FAT4: variants seen among roughly 807,000 people sequenced by gnomAD.
FAT4 encodes FAT atypical cadherin 4, also known as protocadherin Fat 4.
A neutral mutation model predicts 303.9 loss-of-function variants in FAT4; 84 were observed. The observed-to-expected ratio is 0.28, with a 90% CI of 0.23 to 0.33. FAT4 has a LOEUF of 0.33. FAT4 is among the 10% of genes least tolerant of loss of function. FAT4 has a pLI of 1.00. For synonymous variants in FAT4, 2,307 were observed against 2,298.8 expected (o/e 1.00, Z -0.10); for missense variants, 6,005 against 6,146.8 (o/e 0.98, Z 0.77).
At chr4:125,381,512 A>T (rs1187204595) in intron 2 of FAT4, among the ~76,000 whole-genome samples, 1 of 152,234 alleles carries the variant, frequency 6.6e-6, no homozygotes, top group Non-Finnish European at 1.5e-5. Flanking sequence ...ACATTTTTAA[A>T]AAACAATGTA....
intron 2 of FAT4, among the ~76,000 whole-genome samples, chr4:125,383,759 G>A (rs143285563): frequency 1.5e-3 from 233 of 152,230 alleles, no homozygotes; most frequent in Non-Finnish European, 2.8e-3. Flanking sequence ...TAGACTCTGA[G>A]ATTTACAAGG....
At chr4:125,445,581 A>G (rs1030376471) in intron 8 of FAT4, among the ~76,000 whole-genome samples, 1 of 152,110 alleles carries the variant, frequency 6.6e-6, no homozygotes, top group Non-Finnish European at 1.5e-5. Flanking sequence ...ACCTCACCTT[A>G]TACACAAAAT....
At chr4:125,473,112 A>C (rs879262105) in intron 12 of FAT4, among the ~76,000 whole-genome samples, 1 of 152,106 alleles carries the variant, frequency 6.6e-6, no homozygotes, top group Non-Finnish European at 1.5e-5. Flanking sequence ...TTTATATTTT[A>C]ATTCTAATAT....
intron 7 of FAT4, among the ~76,000 whole-genome samples, chr4:125,417,387 C>G (rs1735116297): frequency 6.6e-6 from 1 of 152,136 alleles, no homozygotes; most frequent in East Asian, 1.9e-4. Context: ...GCAGGCTGCT[C>G]AAGAACAAAG....
intron 2 of FAT4, among the ~76,000 whole-genome samples, chr4:125,339,187 G>T (rs184687704): frequency 3.6e-4 from 55 of 151,434 alleles, no homozygotes; most frequent in African/African-American, 1.2e-3. Context: ...TTTTTGAGAC[G>T]GAGTCTTGCC....
intron 3 of FAT4, among the ~76,000 whole-genome samples, chr4:125,400,706 T>C (rs1430107757): frequency 7.1e-5 from 1 of 14,170 alleles, no homozygotes; most frequent in Non-Finnish European, 1.6e-4. Context: ...TGAGCTTTGT[T>C]TTTTAAGTTT....
chr4:125,381,299 A>G (rs534589141), intron 2 of FAT4, among the ~76,000 whole-genome samples: 5 of 152,194 alleles, frequency 3.3e-5, no homozygotes, highest in African/African-American at 7.2e-5. Context: ...CTGTGGTTAT[A>G]TTGCTATGAT....
intron 12 of FAT4, among the ~76,000 whole-genome samples, chr4:125,475,825 T>C (rs1324402166): frequency 6.6e-6 from 1 of 152,126 alleles, no homozygotes; most frequent in Non-Finnish European, 1.5e-5. Flanking sequence ...TTTCTTAAGA[T>C]TGTAATCTAC....
chr4:125,490,873 C>A lies in FAT4; in HGVS notation c.14057C>A (p.Thr4686Asn). ...YQPSYGQGLRTSSLSHSACPT... is the reference protein window; with the variant it reads ...YQPSYGQGLRNSSLSHSACPT... ...CCTTCATATGGTCAAGGTTTGAGAA[C>A]CAGCTCCCTAAGCCACTCAGCATGC... Residue 4686 changes from threonine (T) to asparagine (N), a missense_variant, in exon 18 of 18, where the codon ACC (threonine) becomes AAC (asparagine). By Grantham distance (65) the Thr-to-Asn change is moderately conservative. Transcript: ENST00000394329. 6.2e-7 allele frequency: 1 copy of A among 1,614,196 alleles called. No individual in the cohort carries two copies. Among genetic ancestry groups the A allele is most frequent in the South Asian group, 1.1e-5 (1 of 91,088 alleles).
chr4:125,416,760 A>G, intron 7 of FAT4, 138 bp downstream of exon 7: 1 of 717,542 alleles, frequency 1.4e-6, no homozygotes, highest in Admixed American at 2.5e-5. Context: ...AGCCTGACCA[A>G]CATGGTGAAA....
chr4:125,455,506 T>A (rs568242537), intron 10 of FAT4, among the ~76,000 whole-genome samples: 2 of 152,342 alleles, frequency 1.3e-5, no homozygotes, highest in South Asian at 4.1e-4. Flanking sequence ...TTACATTTAG[T>A]TCTTACAACT....
intron 11 of FAT4, among the ~76,000 whole-genome samples, chr4:125,467,590 C>T (rs1164886931): frequency 6.6e-6 from 1 of 152,158 alleles, no homozygotes; most frequent in Non-Finnish European, 1.5e-5. Context: ...GAAAAACAGA[C>T]AGCTATTTTA....
At chr4:125,422,276 C>A (rs1724929843) in intron 7 of FAT4, among the ~76,000 whole-genome samples, 5 of 152,120 alleles carry the variant, frequency 3.3e-5, no homozygotes, top group Admixed American at 3.3e-4. Flanking sequence ...TAATTAAAAT[C>A]AAACTATGGT....
Position 125,446,453 on chromosome 4 carries a change from G to A in FAT4, c.7360G>A (p.Val2454Met). Residue 2454 changes from valine (V) to methionine (M), a missense_variant, in exon 9 of 18, where the codon GTG (valine) becomes ATG (methionine). Val to Met is a conservative substitution (Grantham distance 21). Transcript: ENST00000394329. ...SPEPLSSSTS[V>M]LVTVTDVNDN... ...AGAGCCTCTTTCCAGTTCCACCAGT[G>A]TGCTTGTCACTGTGACTGATGTCAA... is the stretch of plus-strand genomic sequence containing the variant. 1 of 1,613,462 alleles carries A rather than the reference G, an allele frequency of 6.2e-7. No homozygotes were observed. Among genetic ancestry groups the A allele is most frequent in the East Asian group, 2.2e-5 (1 of 44,852 alleles).
intron 4 of FAT4, 79 bp from the exon 5 acceptor site, chr4:125,408,365 T>A: frequency 1.2e-6 from 1 of 838,508 alleles, no homozygotes; most frequent in Non-Finnish European, 1.9e-6. Context: ...AAATACATTT[T>A]TTGGTCTCTT....
At chr4:125,363,323 A>C (rs1004407343) in intron 2 of FAT4, among the ~76,000 whole-genome samples, 3 of 151,854 alleles carry the variant, frequency 2.0e-5, no homozygotes, top group Non-Finnish European at 4.4e-5. Context: ...GAATATATGT[A>C]GCCACTTTTT....
chr4:125,487,193 G>A, intron 16 of FAT4, 152 bp from the exon 17 acceptor site: 1 of 599,182 alleles, frequency 1.7e-6, no homozygotes, highest in South Asian at 3.4e-5. Flanking sequence ...TAAAATTAGA[G>A]ACAAAGTGTG....
Position 125,483,935 on chromosome 4 carries a change from CGTTT to C in FAT4, c.12822+2198_12822+2201del, listed in dbSNP as rs779286219. Among the ~76,000 whole-genome samples, 7 of 77,558 alleles carry C rather than the reference CGTTT, an allele frequency of 9.0e-5. 1 individual carries two copies. In the South Asian group the frequency reaches 1.5e-3, roughly 17 times the overall value. The allele number at this position is 77,558 out of a possible 152,430, so 50.9% of individuals were successfully genotyped here. A position where few individuals can be genotyped will look rare whatever the true frequency, so the allele number is the denominator to read the frequency against. ...ATTGGTCACCAAGACCCCAGGGTTC[CGTTT>C]TTTTTTTTTTTTTTTTTGGCTCCTT... is the stretch of plus-strand genomic sequence containing the variant. On this transcript the variant is annotated intron_variant, in intron 16 of 17. Transcript: ENST00000394329.
In FAT4 at chr4:125,415,664, G is replaced by A. The variant is rs1271830683; in HGVS notation, c.6701G>A (p.Arg2234Gln). ...CATTTAACTGTTCAGGCAACAGATC[G>A]AGGCAGCACACCCAGAACTGATACC... ...TYHLTVQATD[R>Q]GSTPRTDTST... Residue 2234 changes from arginine (R) to glutamine (Q), a missense_variant, in exon 6 of 18, where the codon CGA (arginine) becomes CAA (glutamine). By Grantham distance (43) the Arg-to-Gln change is conservative. Coordinates refer to ENST00000394329, the MANE Select transcript of FAT4 (RefSeq NM_001291303.3). 4.3e-6 allele frequency: 7 copies of A among 1,613,850 alleles called. No individual in the cohort carries two copies. Among genetic ancestry groups the A allele is most frequent in the African/African-American group, 2.7e-5 (2 of 74,868 alleles).
Sources: gnomAD v4.1 joint callset for allele counts (sites outside exome capture counted in the v4.1 genomes callset) on GRCh38, gnomAD v4.1.1 for gene constraint, MANE v1.5 for transcripts, NCBI Gene and HGNC (gene_info 2026-07-23, HGNC 2026-07-21) for gene names.